The following SPICE1 variants were observed in gnomAD, a reference collection of about 807,000 sequenced individuals.
SPICE1 encodes the protein spindle and centriole associated protein 1, also known as spindle and centriole-associated protein 1.
In SPICE1, 75 loss-of-function variants were observed where a neutral mutation model predicts 102.7. The observed-to-expected ratio is 0.73, with a 90% confidence interval of 0.61 to 0.88. The LOEUF (loss-of-function observed/expected upper bound fraction) is 0.88. Ranked by LOEUF, SPICE1 falls within the 40% of genes least tolerant of loss-of-function variation. The pLI, the probability that SPICE1 is intolerant of heterozygous loss-of-function variation, is 0.00. For synonymous variants in SPICE1, 308 were observed against 350.3 expected, an observed-to-expected ratio of 0.88 and a Z score of 1.35; for missense variants, 979 against 1,020.1, an observed-to-expected ratio of 0.96 and a Z score of 0.55.
At chr3:113,473,821 G>A (rs374628988) in intron 7 of SPICE1, among the ~76,000 whole-genome samples, 2,276 of 151,702 alleles carry the variant, frequency 0.015, 42 homozygotes, top group African/African-American at 0.044. Context: ...GGTACCAGCC[G>A]CTGCAAAATC....
At chr3:113,503,076 T>C in intron 3 of SPICE1, 104 bp downstream of exon 3, 1 of 1,210,826 alleles carries the variant, frequency 8.3e-7, no homozygotes, top group Non-Finnish European at 1.2e-6. Flanking sequence ...TAAACATAAC[T>C]GAACAACTTC....
Position 113,496,059 on chromosome 3 carries a change from C to CTT in SPICE1, c.292-1919_292-1918dup, listed in dbSNP as rs10557473. Among the ~76,000 whole-genome samples, 19 of 82,910 alleles carry CTT rather than the reference C, an allele frequency of 2.3e-4. 1 individual carries two copies. Among genetic ancestry groups the CTT allele is most frequent in the South Asian group, 4.9e-4 (1 of 2,040 alleles). The allele number at this position is 82,910 out of a possible 152,430, so 54.4% of individuals were successfully genotyped here. On this transcript the variant is annotated intron_variant, in intron 4 of 17. Transcript: ENST00000295872. ...ACATTATGAGATTTTTTTTTTACAA[C>CTT]TTTTTTTTTTTTTTTTTTTTTTTTA...
chr3:113,477,245 C>T (rs1282808258), intron 7 of SPICE1, among the ~76,000 whole-genome samples: 1 of 152,134 alleles, frequency 6.6e-6, no homozygotes, highest in Non-Finnish European at 1.5e-5. Context: ...GATATCATCT[C>T]ACACCAGTTA....
rs148017697 is a variant in SPICE1 at position 113,481,104 on chromosome 3, A to C, written c.611+7841T>G. ...TTAGAGGTGAAAGACTTAGATAACA[A>C]GGAAAACAATGTCTATTTGCAGATG... On this transcript the variant is annotated intron_variant, in intron 7 of 17. Coordinates refer to ENST00000295872, the MANE Select transcript of SPICE1 (RefSeq NM_144718.4). Among the ~76,000 whole-genome samples, 678 of 152,274 alleles carry C rather than the reference A, an allele frequency of 4.5e-3. 13 individuals carry two copies. Among genetic ancestry groups the C allele is most frequent in the Admixed American group, 0.03 (451 of 15,286 alleles).
intron 4 of SPICE1, among the ~76,000 whole-genome samples, chr3:113,494,538 T>G (rs1936838108): frequency 6.6e-6 from 1 of 151,562 alleles, no homozygotes; most frequent in East Asian, 1.9e-4. Flanking sequence ...TCCCAGCTAC[T>G]TGGGAGGCTG....
Position 113,468,324 on chromosome 3 carries a change from G to A in SPICE1, c.970C>T (p.Pro324Ser). 1 of 1,614,130 alleles carries A rather than the reference G, an allele frequency of 6.2e-7. No homozygotes were observed. Among genetic ancestry groups the A allele is most frequent in the South Asian group, 1.1e-5 (1 of 91,080 alleles). ...TCCAGGTTGGAATTAGTCCTATTTG[G>A]TAAGTCTGCAGAGGTTGTGCTACCT... ...SSGSTTSADL[P>S]NRTNSNLDVL... The change falls in exon 10 of 18, where the codon CCA (proline) becomes TCA (serine). Residue 324 changes from proline to serine, a missense_variant. By Grantham distance (74) the Pro-to-Ser change is moderately conservative. Coordinates refer to ENST00000295872, the MANE Select transcript of SPICE1 (RefSeq NM_144718.4).
intron 7 of SPICE1, among the ~76,000 whole-genome samples, chr3:113,474,349 C>T (rs1936285206): frequency 6.6e-6 from 1 of 152,118 alleles, no homozygotes; most frequent in South Asian, 2.1e-4. Context: ...GAGACTTTAA[C>T]AACCCCACTG....
At chr3:113,453,284 T>C (rs948952667) in intron 14 of SPICE1, among the ~76,000 whole-genome samples, 182 bp downstream of exon 14, 1 of 152,204 alleles carries the variant, frequency 6.6e-6, no homozygotes, top group African/African-American at 2.4e-5. Context: ...CTGTCTTGTA[T>C]TGTATGTACA....
In SPICE1 at chr3:113,499,425, C is replaced by G. The variant is rs776887255; in HGVS notation, c.291+14G>C. 2 of 1,604,956 alleles carry G rather than the reference C, an allele frequency of 1.2e-6. No homozygotes were observed. Among genetic ancestry groups the G allele is most frequent in the East Asian group, 4.5e-5 (2 of 44,736 alleles). ...CCTTTTTTTCTTTCTAACTCTAATG[C>G]AGTTTAGCATTACCTCCTTCATGAT... On this transcript the variant is annotated intron_variant, in intron 4 of 17. Transcript: ENST00000295872.
At chr3:113,463,839 C>T (rs760213890) in intron 11 of SPICE1, among the ~76,000 whole-genome samples, 5 of 152,184 alleles carry the variant, frequency 3.3e-5, no homozygotes, top group Non-Finnish European at 5.9e-5. Context: ...GAGGCCAAGT[C>T]AGGCAGATCA....
rs930246225 is a variant in SPICE1 at position 113,444,254 on chromosome 3, C to A, written c.*1053G>T. On this transcript the variant is annotated 3_prime_UTR_variant, in exon 18 of 18. Transcript: ENST00000295872. The stretch of plus-strand genomic sequence containing the variant: ...GTGGCTCACACCTGTAATCCCGGCA[C>A]TTTGGGAAACCAAGGCAGGTGGATC... 1 of 152,206 alleles carries A rather than the reference C, an allele frequency of 6.6e-6. No individual in the cohort carries two copies. Among genetic ancestry groups the A allele is most frequent in the Non-Finnish European group, 1.5e-5 (1 of 68,058 alleles). The allele number at this position is 152,206 out of a possible 1,614,324, so 9.4% of individuals were successfully genotyped here. A position where few individuals can be genotyped will look rare whatever the true frequency, so the allele number is the denominator to read the frequency against.
intron 11 of SPICE1, among the ~76,000 whole-genome samples, chr3:113,464,218 T>C (rs938758916): frequency 2.6e-5 from 4 of 151,808 alleles, no homozygotes; most frequent in Non-Finnish European, 2.9e-5. Flanking sequence ...GTATGTGAAC[T>C]ATATTATCAA....
intron 2 of SPICE1, among the ~76,000 whole-genome samples, chr3:113,503,650 T>C (rs1169849536): frequency 6.6e-6 from 1 of 152,122 alleles, no homozygotes; most frequent in Non-Finnish European, 1.5e-5. Context: ...GTGAGATCAC[T>C]GGCTGGGTAC....
At chr3:113,514,544 C>A in intron 1 of SPICE1, 1 of 416,872 alleles carries the variant, frequency 2.4e-6, no homozygotes, top group Non-Finnish European at 4.8e-6. Context: ...AATCCTAAAA[C>A]CAAGCTCTCG....
rs1212696479 is a variant in SPICE1 at position 113,443,497 on chromosome 3, G to C, written c.*1810C>G. 1 of 152,204 alleles carries C rather than the reference G, an allele frequency of 6.6e-6. No individual in the cohort carries two copies. The highest frequency in any genetic ancestry group is 1.9e-4 in the East Asian group (1 of 5,198). The allele number at this position is 152,204 out of a possible 1,614,324, so 9.4% of individuals were successfully genotyped here. A position where few individuals can be genotyped will look rare whatever the true frequency, so the allele number is the denominator to read the frequency against. Reference sequence around the variant, plus strand: ...TGTAAAGGTGCTGGGAGAGGAGGAAGCATTTACATACCTCTAACTGATAGG... The same window carrying C: ...TGTAAAGGTGCTGGGAGAGGAGGAACCATTTACATACCTCTAACTGATAGG... On this transcript the variant is annotated 3_prime_UTR_variant, in exon 18 of 18. Transcript: ENST00000295872.
intron 1 of SPICE1, among the ~76,000 whole-genome samples, chr3:113,512,857 G>A (rs185768013): frequency 1.3e-5 from 2 of 152,068 alleles, no homozygotes; most frequent in African/African-American, 2.4e-5. Context: ...TAATTATTTG[G>A]GGGAGTGCAG....
chr3:113,468,452 A>T, intron 9 of SPICE1, 48 bp from the exon 10 acceptor site: 1 of 1,564,352 alleles, frequency 6.4e-7, no homozygotes. Context: ...AAAAATTATG[A>T]CTAGAAAACT....
At chr3:113,477,710 C>T (rs1193550955) in intron 7 of SPICE1, among the ~76,000 whole-genome samples, 2 of 147,912 alleles carry the variant, frequency 1.4e-5, no homozygotes, top group Non-Finnish European at 3.0e-5. Flanking sequence ...ACCGCATGTT[C>T]TCACTCATAG....
At chr3:113,474,656 G>A (rs369684806) in intron 7 of SPICE1, among the ~76,000 whole-genome samples, 6,525 of 152,060 alleles carry the variant, frequency 0.043, 165 homozygotes, top group East Asian at 0.1. Context: ...GCTCAACTAC[G>A]TGGAAACTGA....
Sources: allele counts gnomAD v4.1 joint callset (sites outside exome capture counted in the v4.1 genomes callset), GRCh38; gene constraint gnomAD v4.1.1; transcripts MANE v1.5; gene names NCBI Gene and HGNC (gene_info 2026-07-23, HGNC 2026-07-21).